Variants in FBXO11 observed in about 807,000 individuals in gnomAD.
FBXO11 encodes the protein F-box protein 11, also known as F-box only protein 11.
A neutral mutation model predicts 117.0 loss-of-function variants in FBXO11; 13 were observed. The ratio of observed to expected loss-of-function variants is 0.11; its 90% CI spans 0.07 to 0.18. The LOEUF (loss-of-function observed/expected upper bound fraction) is 0.18. Ranked by LOEUF, FBXO11 falls within the 10% of genes least tolerant of loss-of-function variation. The pLI is 1.00. For synonymous variants in FBXO11, 490 were observed against 380.5 expected (o/e 1.29, Z -3.35); for missense variants, 767 against 1,164.4 (o/e 0.66, Z 4.97).
At chr2:47,826,999 A>G (rs894910028) in intron 11 of FBXO11, among the ~76,000 whole-genome samples, 2 of 152,248 alleles carry the variant, frequency 1.3e-5, no homozygotes, top group African/African-American at 4.8e-5. Flanking sequence ...TGCCCTGGTC[A>G]CAGGCATGCA....
At chr2:47,848,851 C>T (rs952159693) in intron 1 of FBXO11, among the ~76,000 whole-genome samples, 6 of 152,110 alleles carry the variant, frequency 3.9e-5, no homozygotes, top group Non-Finnish European at 8.8e-5. Flanking sequence ...TTTTTATATA[C>T]CCTTTACCTT....
At position 47,906,119 on chromosome 2, in the gene FBXO11, C is replaced by A. The variant is rs1017615599; in HGVS notation, c.-399G>T. 8.6e-5 allele frequency: 15 copies of A among 173,578 alleles called. No homozygotes were observed. Among genetic ancestry groups the A allele is most frequent in the Non-Finnish European group, 1.3e-4 (11 of 82,658 alleles). The allele number at this position is 173,578 out of a possible 1,614,324, so 10.8% of individuals were successfully genotyped here. On this transcript the variant is annotated 5_prime_UTR_variant, in exon 1 of 23. Transcript: ENST00000403359. ...GAGACAGATCCCGGTCCCGCCGACT[C>A]GCGAGCGGCGTCTCCGGCAGCGGGG...
chr2:47,897,010 T>C (rs1677717164), intron 1 of FBXO11, among the ~76,000 whole-genome samples: 1 of 152,228 alleles, frequency 6.6e-6, no homozygotes, highest in South Asian at 2.1e-4. Flanking sequence ...TAATTCCCTT[T>C]AAAGCTTGTT....
chr2:47,888,026 A>G (rs1475776066), intron 1 of FBXO11, among the ~76,000 whole-genome samples: 5 of 151,970 alleles, frequency 3.3e-5, no homozygotes, highest in African/African-American at 7.2e-5. Context: ...GAAAAAAAAA[A>G]TCCCTAAAAA....
At position 47,813,165 on chromosome 2, in the gene FBXO11, TG is replaced by T. The variant is rs551275428; in HGVS notation, c.2227+68del. ...TTTATAACTTAGTTAGCAATGTCATTGATCATTAAAGATATGGAAGAATAAT... is the reference window on the plus strand; with the variant it reads ...TTTATAACTTAGTTAGCAATGTCATTATCATTAAAGATATGGAAGAATAAT... On this transcript the variant is annotated intron_variant, in intron 18 of 22. Transcript: ENST00000403359. 9.3e-4 allele frequency: 1,340 copies of T among 1,446,690 alleles called. 1 individual carries two copies. Among genetic ancestry groups the T allele is most frequent in the Non-Finnish European group, 1.2e-3 (1,207 of 1,028,380 alleles). 89.6% of individuals were successfully genotyped at this position (1,446,690 alleles called of 1,614,324 possible). A position where few individuals can be genotyped will look rare whatever the true frequency, so the allele number is the denominator to read the frequency against.
rs377417352 is a variant in FBXO11 at position 47,832,821 on chromosome 2, T to C, written c.1101A>G (p.Thr367=). The change falls in exon 9 of 23, where the codon ACA becomes ACG. Residue 367 remains threonine, a synonymous_variant. Coordinates refer to ENST00000403359, the MANE Select transcript of FBXO11 (RefSeq NM_001190274.2). ...HHNAHHCLEI[T]VNCSPIIDHC... is the part of the protein sequence containing the mutation. ...GATCAATAATAGGGCTACAATTTACTGTAATCTCTAAGCAGTGGTGTGCAT... is the reference window on the plus strand; with the variant it reads ...GATCAATAATAGGGCTACAATTTACCGTAATCTCTAAGCAGTGGTGTGCAT... 10 of 1,613,962 alleles carry C rather than the reference T, an allele frequency of 6.2e-6. No individual in the cohort carries two copies. In the African/African-American group the frequency reaches 1.3e-4, roughly 22 times the overall value.
chr2:47,884,931 T>A (rs1006818750), intron 1 of FBXO11, among the ~76,000 whole-genome samples: 1 of 152,142 alleles, frequency 6.6e-6, no homozygotes, highest in African/African-American at 2.4e-5. Context: ...CTATTGCGCA[T>A]CATAAGTCCA....
At chr2:47,812,597 AATCTTGGCATGTTAG>A (rs1333005965) in intron 18 of FBXO11, among the ~76,000 whole-genome samples, 1 of 152,214 alleles carries the variant, frequency 6.6e-6, no homozygotes, top group Non-Finnish European at 1.5e-5. Flanking sequence ...TTGTTCATTA[AATCTTGGCATGTTAG>A]AGTAATAACT....
chr2:47,877,369 C>G (rs1306975395), intron 1 of FBXO11, among the ~76,000 whole-genome samples: 2 of 151,924 alleles, frequency 1.3e-5, no homozygotes, highest in Non-Finnish European at 2.9e-5. Context: ...TCAATTATTC[C>G]CACTCCTGCA....
intron 11 of FBXO11, among the ~76,000 whole-genome samples, chr2:47,830,228 T>A (rs1453451040): frequency 6.6e-6 from 1 of 152,112 alleles, no homozygotes; most frequent in Non-Finnish European, 1.5e-5. Context: ...CCCAATGTGA[T>A]CTCAGAGTTC....
chr2:47,888,779 A>T (rs1677051848), intron 1 of FBXO11: 1 of 344,966 alleles, frequency 2.9e-6, no homozygotes, highest in Non-Finnish European at 4.1e-6. Flanking sequence ...CAGAACCTCA[A>T]CTGTAGCCCC....
Position 47,837,726 on chromosome 2 carries a change from T to C in FBXO11, c.587+1133A>G, listed in dbSNP as rs539448540. Reference sequence around the variant, plus strand: ...TTGTGATTATATAGCATATACAATTTTGTACTCTGTTCTTTTCTTTAAAAA... The same window carrying C: ...TTGTGATTATATAGCATATACAATTCTGTACTCTGTTCTTTTCTTTAAAAA... On this transcript the variant is annotated intron_variant, in intron 4 of 22. Coordinates refer to ENST00000403359, the MANE Select transcript of FBXO11 (RefSeq NM_001190274.2). Among the ~76,000 whole-genome samples the C allele has an allele frequency of 3.1e-3, 469 of 152,300 alleles. 5 individuals carry two copies. The highest frequency in any genetic ancestry group is 2.5e-3 in the Non-Finnish European group (170 of 68,020).
intron 4 of FBXO11, among the ~76,000 whole-genome samples, chr2:47,838,567 G>T (rs550794563): frequency 6.6e-6 from 1 of 151,944 alleles, no homozygotes; most frequent in Non-Finnish European, 1.5e-5. Flanking sequence ...AAATTCATTA[G>T]CTATTTTAAA....
At chr2:47,815,146 A>AT (rs904128108) in intron 16 of FBXO11, among the ~76,000 whole-genome samples, 15 of 151,738 alleles carry the variant, frequency 9.9e-5, no homozygotes, top group African/African-American at 2.4e-4. Flanking sequence ...ACTCCTGTTA[A>AT]TTTTTTTTTG....
intron 1 of FBXO11, among the ~76,000 whole-genome samples, chr2:47,848,737 T>C (rs1054634883): frequency 3.9e-5 from 6 of 152,176 alleles, no homozygotes; most frequent in African/African-American, 1.4e-4. Flanking sequence ...AAAAATAATC[T>C]CTGACATCTT....
chr2:47,819,277 C>T (rs1490326016), intron 14 of FBXO11, among the ~76,000 whole-genome samples, 199 bp from the exon 15 acceptor site: 2 of 152,066 alleles, frequency 1.3e-5, no homozygotes, highest in Admixed American at 6.6e-5. Context: ...AGTACAGTGG[C>T]GCGATCTTGG....
At position 47,813,667 on chromosome 2, in the gene FBXO11, G is replaced by A. The variant is rs556327304; in HGVS notation, c.2083+124C>T. The stretch of plus-strand genomic sequence containing the variant: ...AGGCTGGTCTTAAACTCCTGACCTC[G>A]GGTGATCCACCCATCTCGGCCTCCC... On this transcript the variant is annotated intron_variant, in intron 17 of 22. Transcript: ENST00000403359. 1.4e-4 allele frequency: 100 copies of A among 713,416 alleles called. No homozygotes were observed. The East Asian group carries it at 2.2e-3, about 15-fold the overall frequency. The allele number at this position is 713,416 out of a possible 1,614,324, so 44.2% of individuals were successfully genotyped here.
At chr2:47,848,068 G>T (rs1316536439) in intron 1 of FBXO11, among the ~76,000 whole-genome samples, 1 of 148,888 alleles carries the variant, frequency 6.7e-6, no homozygotes, top group Non-Finnish European at 1.5e-5. Flanking sequence ...AGCTTGCAGT[G>T]AGCTGAGATC....
At position 47,822,322 on chromosome 2, in the gene FBXO11, A is replaced by G. The variant is rs1291393310; in HGVS notation, c.1617-19T>C. On this transcript the variant is annotated intron_variant, in intron 12 of 22. Coordinates refer to ENST00000403359, the MANE Select transcript of FBXO11 (RefSeq NM_001190274.2). ...ATTTCCCCTATAATTATGCGAAATA[A>G]AAAAAAAGAAGACATCTATTCAGCC... is the stretch of plus-strand genomic sequence containing the variant. 6.7e-7 allele frequency: 1 copy of G among 1,494,790 alleles called. No individual in the cohort carries two copies. Among genetic ancestry groups the G allele is most frequent in the Admixed American group, 2.0e-5 (1 of 49,116 alleles). 92.6% of individuals were successfully genotyped at this position (1,494,790 alleles called of 1,614,324 possible).
Sources: gnomAD v4.1 joint callset for allele counts (sites outside exome capture counted in the v4.1 genomes callset) on GRCh38, gnomAD v4.1.1 for gene constraint, MANE v1.5 for transcripts, NCBI Gene and HGNC (gene_info 2026-07-23, HGNC 2026-07-21) for gene names.